PCDHA6: variants seen among roughly 807,000 people sequenced by gnomAD.
PCDHA6 encodes the protein protocadherin alpha 6.
A neutral mutation model predicts 60.3 loss-of-function variants in PCDHA6; 55 were observed. That is an observed-to-expected ratio of 0.91 (90% CI 0.73 to 1.14). The LOEUF (loss-of-function observed/expected upper bound fraction) is 1.14, where lower values mean the gene tolerates loss of function less well. PCDHA6 is among the 50% of genes most tolerant of loss of function. The pLI is 0.00. For missense variants in PCDHA6, 1,327 were observed against 1,256.5 expected (o/e 1.06, Z -0.85); for synonymous variants, 652 against 557.9 (o/e 1.17, Z -2.38).
In PCDHA6 at chr5:140,933,676, AT is replaced by A. The variant is rs1400784175; in HGVS notation, c.2395-45265del. 1.4e-4 allele frequency among the ~76,000 whole-genome samples: 21 copies of A among 151,552 alleles called. 1 individual carries two copies. Among genetic ancestry groups the A allele is most frequent in the Admixed American group, 1.3e-3 (19 of 15,194 alleles). On this transcript the variant is annotated intron_variant, in intron 1 of 3. Coordinates refer to ENST00000529310, the MANE Select transcript of PCDHA6 (RefSeq NM_018909.4). Reference sequence around the variant, plus strand: ...CTGTCTCTCTCTCTGTCTCTCTCACATTTTTTTTCCTATTCCTCGGACACAT... The same window carrying A: ...CTGTCTCTCTCTCTGTCTCTCTCACATTTTTTTCCTATTCCTCGGACACAT...
At chr5:140,853,463 A>G in intron 1 of PCDHA6, 1 of 972,934 alleles carries the variant, frequency 1.0e-6, no homozygotes, top group Non-Finnish European at 1.2e-6. Context: ...CCTTATATGC[A>G]TCTGTAGTTA....
chr5:140,850,260 G>A lies in PCDHA6; in HGVS notation c.2394+19775G>A, dbSNP rs371305325. ...GGTGCTGCGGTCGGTGGGCGCCGGC[G>A]TAGTGGTGGGGAAGGTGCGCGCAGT... On this transcript the variant is annotated intron_variant, in intron 1 of 3. Coordinates refer to ENST00000529310, the MANE Select transcript of PCDHA6 (RefSeq NM_018909.4). 17 of 1,594,256 alleles carry A rather than the reference G, an allele frequency of 1.1e-5. 2 individuals are homozygous for A. The highest frequency in any genetic ancestry group is 4.0e-5 in the African/African-American group (3 of 74,174).
Position 140,836,049 on chromosome 5 carries a change from C to T in PCDHA6, c.2394+5564C>T, listed in dbSNP as rs1223853934. ...CAACGTGACGCTGCAGGTGTTCGTG[C>T]TGGACGAGAACGACAACGCGCCGGC... On this transcript the variant is annotated intron_variant, in intron 1 of 3. Transcript: ENST00000529310. 4 of 1,613,294 alleles carry T rather than the reference C, an allele frequency of 2.5e-6. No homozygotes were observed. The South Asian group carries it at 3.3e-5, about 13-fold the overall frequency.
intron 1 of PCDHA6, chr5:140,929,216 A>G: frequency 6.2e-7 from 1 of 1,614,100 alleles, no homozygotes; most frequent in Non-Finnish European, 8.5e-7. Flanking sequence ...CGTGGGGAGT[A>G]CAATGCTGCC....
At chr5:140,852,737 C>CGG in intron 1 of PCDHA6, 1 of 983,808 alleles carries the variant, frequency 1.0e-6, no homozygotes, top group Non-Finnish European at 1.2e-6. Context: ...GTTTCATGTG[C>CGG]CATTTAAACT....
chr5:140,991,033 TACTTA>T (rs567583919), intron 3 of PCDHA6, among the ~76,000 whole-genome samples: 53 of 152,330 alleles, frequency 3.5e-4, no homozygotes, highest in African/African-American at 1.3e-3. Context: ...ATATGTTGCA[TACTTA>T]ACTTTGAGAG....
intron 3 of PCDHA6, among the ~76,000 whole-genome samples, chr5:141,004,088 T>G (rs797038928): frequency 3.4e-4 from 52 of 152,346 alleles, no homozygotes; most frequent in African/African-American, 1.2e-3. Flanking sequence ...GAAATGTGCT[T>G]CTTCCGTTTT....
chr5:140,915,681 G>C (rs1261107431), intron 1 of PCDHA6, among the ~76,000 whole-genome samples: 1 of 151,116 alleles, frequency 6.6e-6, no homozygotes, highest in Non-Finnish European at 1.5e-5. Context: ...TCTTGAACTA[G>C]GGGTATGGTG....
rs782420685 is a variant in PCDHA6, at chr5:140,978,941, T to G, written c.2395-8T>G. 1 of 1,614,158 alleles carries G rather than the reference T, an allele frequency of 6.2e-7. No homozygotes were observed. The highest frequency in any genetic ancestry group is 2.2e-5 in the East Asian group (1 of 44,880). On this transcript the variant is annotated splice_region_variant and splice_polypyrimidine_tract_variant and intron_variant, in intron 1 of 3. Transcript: ENST00000529310. ...TTTTAACAGAAAACTCTCTTTGTGA[T>G]TTTGCAGCCACGACAGCCCAACCCT...
chr5:140,884,634 GGGA>G (rs1562808845), intron 1 of PCDHA6: 3 of 1,612,414 alleles, frequency 1.9e-6, no homozygotes, highest in Non-Finnish European at 2.5e-6. Context: ...ACAGGCCAGA[GGGA>G]GGAGGACTCA....
At chr5:140,850,932 C>T in intron 1 of PCDHA6, 1 of 1,514,290 alleles carries the variant, frequency 6.6e-7, no homozygotes, top group Non-Finnish European at 8.9e-7. Flanking sequence ...AATTTTTTTT[C>T]TTGAAAGATA....
rs1166002941 is a variant in PCDHA6 at position 141,000,351 on chromosome 5, G to A, written c.2543-9276G>A. ...ACAGCAAGGCCCTATCTCTCTCTCT[G>A]TCTCTCTCTGTCTCTCTCTCTCTCT... On this transcript the variant is annotated intron_variant, in intron 3 of 3. Transcript: ENST00000529310. Among the ~76,000 whole-genome samples the A allele has an allele frequency of 6.0e-5, 4 of 66,852 alleles. No homozygotes were observed. The Admixed American group carries it at 6.5e-4, about 11-fold the overall frequency. 43.9% of individuals were successfully genotyped at this position (66,852 alleles called of 152,430 possible).
At chr5:140,929,935 T>C (rs1253092331) in intron 1 of PCDHA6, 1 of 152,218 alleles carries the variant, frequency 6.6e-6, no homozygotes, top group Non-Finnish European at 1.5e-5. Context: ...CAGTGTATTC[T>C]CTAGCCTATA....
intron 1 of PCDHA6, chr5:140,967,771 G>A (rs1554229926): frequency 1.2e-6 from 2 of 1,614,222 alleles, no homozygotes; most frequent in Non-Finnish European, 1.7e-6. Context: ...AGATCTATGT[G>A]CAGGCGACTG....
chr5:140,891,667 A>T (rs2153435107), intron 1 of PCDHA6, among the ~76,000 whole-genome samples: 1 of 152,286 alleles, frequency 6.6e-6, no homozygotes, highest in African/African-American at 2.4e-5. Flanking sequence ...CCCACCTTAA[A>T]GTTTAATAAT....
chr5:140,927,236 T>G, intron 1 of PCDHA6: 1 of 1,614,120 alleles, frequency 6.2e-7, no homozygotes, highest in Non-Finnish European at 8.5e-7. Context: ...ATTCACGTCC[T>G]GGACACCAAT....
intron 3 of PCDHA6, among the ~76,000 whole-genome samples, chr5:140,989,272 T>C (rs1554250681): frequency 6.6e-6 from 1 of 152,204 alleles, no homozygotes. Flanking sequence ...AAGTTTCTGC[T>C]GGGGACATCT....
chr5:140,829,124 G>T lies in PCDHA6; in HGVS notation c.1033G>T (p.Asp345Tyr). The T allele has an allele frequency of 6.2e-7, 1 of 1,612,286 alleles. No homozygotes were observed. Among genetic ancestry groups the T allele is most frequent in the East Asian group, 2.2e-5 (1 of 44,876 alleles). The change falls in exon 1 of 4, where the codon GAT (aspartate) becomes TAT (tyrosine). Residue 345 changes from aspartate (D) to tyrosine (Y), a missense_variant. Physicochemically the swap from Asp to Tyr is radical, Grantham distance 160 (BLOSUM62 -3). Coordinates refer to ENST00000529310, the MANE Select transcript of PCDHA6 (RefSeq NM_018909.4). The stretch of plus-strand genomic sequence containing the variant: ...TTTAGTGAGAATTTTGGATAAAAAT[G>T]ATAACGTCCCTGAGATAGCACTGAC... ...TVLVRILDKN[D>Y]NVPEIALTSL...
chr5:140,857,611 G>T, intron 1 of PCDHA6: 1 of 1,596,436 alleles, frequency 6.3e-7, no homozygotes, highest in Admixed American at 1.7e-5. Context: ...CGCTGCAGCC[G>T]CTGGACCACG....
Sources: gnomAD v4.1 joint callset for allele counts (sites outside exome capture counted in the v4.1 genomes callset) on GRCh38, gnomAD v4.1.1 for gene constraint, MANE v1.5 for transcripts, NCBI Gene and HGNC (gene_info 2026-07-23, HGNC 2026-07-21) for gene names.